Variants in KALRN observed in about 807,000 individuals in gnomAD.
The protein encoded by KALRN is kalirin RhoGEF kinase, also known as kalirin.
In KALRN, 70 loss-of-function variants were observed where a neutral mutation model predicts 353.7. The ratio of observed to expected loss-of-function variants is 0.20; its 90% CI spans 0.16 to 0.24. The LOEUF is 0.24. Ranked by LOEUF, KALRN falls within the 10% of genes least tolerant of loss-of-function variation. KALRN has a pLI of 1.00. For synonymous variants in KALRN, 1,391 were observed against 1,434.8 expected, an observed-to-expected ratio of 0.97 and a Z score of 0.69; for missense variants, 2,791 against 3,756.7, an observed-to-expected ratio of 0.74 and a Z score of 6.72.
intron 1 of KALRN, among the ~76,000 whole-genome samples, chr3:124,050,878 T>C (rs1253372548): frequency 1.3e-5 from 2 of 152,328 alleles, no homozygotes; most frequent in African/African-American, 4.8e-5. Flanking sequence ...TGACGCTTTC[T>C]CTTTGCCTGC....
Position 124,144,481 on chromosome 3 carries a change from C to T in KALRN, c.74-83509C>T, listed in dbSNP as rs116220610. Among the ~76,000 whole-genome samples the T allele has an allele frequency of 3.8e-3, 575 of 152,164 alleles. 2 individuals are homozygous for T. Among genetic ancestry groups the T allele is most frequent in the African/African-American group, 0.013 (544 of 41,522 alleles). ...CACACCACTTCCTTGTCATTGTCAC[C>T]ATCATCCTCGTCCTCCTCCTCTTCC... On this transcript the variant is annotated intron_variant, in intron 1 of 59. Transcript: ENST00000682506.
rs1015767932 is a variant in KALRN at position 124,395,445 on chromosome 3, T to C, written c.2171+102T>C. On this transcript the variant is annotated intron_variant, in intron 12 of 59. Coordinates refer to ENST00000682506, the MANE Select transcript of KALRN (RefSeq NM_001388419.1). The stretch of plus-strand genomic sequence containing the variant: ...AGCAAAATCTTGCTTTGTGGTCTTG[T>C]GTGAGCTTCGGTTTCTTTATCTGTA... 22 of 919,926 alleles carry C rather than the reference T, an allele frequency of 2.4e-5. No individual in the cohort carries two copies. The Admixed American group carries it at 3.4e-4, about 14-fold the overall frequency. 57.0% of individuals were successfully genotyped at this position (919,926 alleles called of 1,614,324 possible). A position where few individuals can be genotyped will look rare whatever the true frequency, so the allele number is the denominator to read the frequency against.
At chr3:124,484,872 G>A (rs2062381767) in intron 28 of KALRN, among the ~76,000 whole-genome samples, 1 of 152,212 alleles carries the variant, frequency 6.6e-6, no homozygotes, top group African/African-American at 2.4e-5. Flanking sequence ...GGGAGGCCAA[G>A]GCAGATGGAT....
At chr3:124,333,435 A>G (rs143895465) in intron 8 of KALRN, among the ~76,000 whole-genome samples, 16 of 152,346 alleles carry the variant, frequency 1.1e-4, no homozygotes, top group African/African-American at 3.8e-4. Flanking sequence ...CTGAGGACCC[A>G]GGAGGTTAAA....
chr3:124,252,251 A>G (rs2071275692), intron 3 of KALRN, among the ~76,000 whole-genome samples: 1 of 152,004 alleles, frequency 6.6e-6, no homozygotes, highest in African/African-American at 2.4e-5. Context: ...GAATCTCCTC[A>G]CTTTATAGAC....
chr3:124,333,197 A>G (rs549208264), intron 8 of KALRN, among the ~76,000 whole-genome samples: 15 of 152,192 alleles, frequency 9.9e-5, no homozygotes, highest in Non-Finnish European at 2.2e-4. Context: ...ACCTCCCACC[A>G]GGTCCCTCCC....
At chr3:124,180,409 A>G (rs1257244830) in intron 1 of KALRN, among the ~76,000 whole-genome samples, 8 of 151,992 alleles carry the variant, frequency 5.3e-5, no homozygotes, top group African/African-American at 1.2e-4. Context: ...GCTTTCATCA[A>G]GAAAGGTAGA....
intron 28 of KALRN, among the ~76,000 whole-genome samples, chr3:124,485,888 G>A (rs753171495): frequency 2.6e-5 from 4 of 152,052 alleles, no homozygotes; most frequent in Non-Finnish European, 4.4e-5. Context: ...TCAAAAAAAA[G>A]AAGAAGATAG....
intron 34 of KALRN, among the ~76,000 whole-genome samples, chr3:124,578,313 G>T (rs900480055): frequency 6.6e-6 from 1 of 152,192 alleles, no homozygotes; most frequent in African/African-American, 2.4e-5. Flanking sequence ...TTGGTAATTT[G>T]GGAATATTGA....
chr3:124,357,966 T>A (rs1349725418), intron 10 of KALRN, among the ~76,000 whole-genome samples: 1 of 152,084 alleles, frequency 6.6e-6, no homozygotes, highest in Non-Finnish European at 1.5e-5. Flanking sequence ...CTAAGAATGA[T>A]AAGAGAGGTA....
At chr3:124,623,399 T>TACACACACACACACACACAC (rs372330681) in intron 34 of KALRN, among the ~76,000 whole-genome samples, 5,545 of 136,380 alleles carry the variant, frequency 0.041, 319 homozygotes, top group East Asian at 0.25. Context: ...TATTTATTTA[T>TACACACACACACACACACAC]ACACACACAC....
intron 1 of KALRN, among the ~76,000 whole-genome samples, chr3:124,106,426 T>C (rs575169760): frequency 6.6e-6 from 1 of 152,192 alleles, no homozygotes; most frequent in South Asian, 2.1e-4. Flanking sequence ...TCTCATTGTA[T>C]ACATGAGAAA....
At chr3:124,429,399 G>A (rs2093171787) in intron 15 of KALRN, among the ~76,000 whole-genome samples, 2 of 152,158 alleles carry the variant, frequency 1.3e-5, no homozygotes, top group Non-Finnish European at 2.9e-5. Flanking sequence ...AAGTAGAGGG[G>A]AGAAAAATAT....
chr3:124,215,218 T>G (rs1239936271), intron 1 of KALRN, among the ~76,000 whole-genome samples: 2 of 152,166 alleles, frequency 1.3e-5, no homozygotes, highest in East Asian at 3.9e-4. Flanking sequence ...CAGGAGGCTT[T>G]CTTTTACATC....
chr3:124,481,973 T>G (rs1395564266), intron 27 of KALRN, among the ~76,000 whole-genome samples: 1 of 152,206 alleles, frequency 6.6e-6, no homozygotes, highest in Non-Finnish European at 1.5e-5. Flanking sequence ...GGGAGAAAAA[T>G]ATACCTTTCT....
rs528348937 is a variant in KALRN, at chr3:124,368,765, G to A, written c.1771-16080G>A. Among the ~76,000 whole-genome samples the A allele has an allele frequency of 4.6e-5, 7 of 151,206 alleles. No homozygotes were observed. The East Asian group carries it at 1.4e-3, about 30-fold the overall frequency. On this transcript the variant is annotated intron_variant, in intron 10 of 59. Transcript: ENST00000682506. ...AGATCACGCCACTGCACTCCAGCCT[G>A]GGCACCATTGAGCACTGAGTGAACG...
intron 6 of KALRN, among the ~76,000 whole-genome samples, chr3:124,308,349 T>C (rs918010722): frequency 2.0e-5 from 3 of 151,846 alleles, no homozygotes; most frequent in Non-Finnish European, 4.4e-5. Context: ...GAACACTCCA[T>C]CCAACAATAG....
intron 11 of KALRN, among the ~76,000 whole-genome samples, chr3:124,391,948 A>C (rs893327933): frequency 6.6e-6 from 1 of 152,216 alleles, no homozygotes; most frequent in Non-Finnish European, 1.5e-5. Flanking sequence ...ACCAAATTCA[A>C]TGTTGATCTT....
intron 53 of KALRN, 111 bp from the exon 54 acceptor site, chr3:124,696,023 G>C: frequency 9.3e-7 from 1 of 1,077,706 alleles, no homozygotes. Flanking sequence ...GACTGACCTC[G>C]GGCCTGAGGA....
Sources: allele counts gnomAD v4.1 joint callset (sites outside exome capture counted in the v4.1 genomes callset), GRCh38; gene constraint gnomAD v4.1.1; transcripts MANE v1.5; gene names NCBI Gene and HGNC (gene_info 2026-07-23, HGNC 2026-07-21).